SRL: variants seen among roughly 807,000 people sequenced by gnomAD.
SRL encodes sarcalumenin.
Under a neutral mutation model 39.5 loss-of-function variants are expected in SRL, and 23 were observed. The observed-to-expected ratio is 0.58, with a 90% CI of 0.42 to 0.82. The LOEUF is 0.82. Among genes scored for constraint, SRL ranks in the 40% least tolerant of loss-of-function variants. SRL has a pLI of 0.00. For synonymous variants in SRL, 272 were observed against 237.4 expected (o/e 1.15, Z -1.34); for missense variants, 592 against 607.8 (o/e 0.97, Z 0.27).
intron 1 of SRL, among the ~76,000 whole-genome samples, chr16:4,213,570 C>G (rs1330237038): frequency 6.6e-6 from 1 of 151,356 alleles, no homozygotes; most frequent in Non-Finnish European, 1.5e-5. Flanking sequence ...GCCACCACAT[C>G]CAGCTGATTT....
intron 1 of SRL, among the ~76,000 whole-genome samples, chr16:4,216,557 C>T (rs1402845461): frequency 1.3e-5 from 2 of 152,202 alleles, no homozygotes; most frequent in Non-Finnish European, 2.9e-5. Context: ...TAGGCATGAG[C>T]CACGATGCCC....
intron 2 of SRL, among the ~76,000 whole-genome samples, chr16:4,203,746 C>G (rs190384818): frequency 1.3e-5 from 2 of 152,260 alleles, no homozygotes; most frequent in South Asian, 2.1e-4. Context: ...GTGTCTGAAA[C>G]CTTGTCTCGG....
chr16:4,204,022 G>A (rs1277858068), intron 2 of SRL, among the ~76,000 whole-genome samples: 1 of 152,208 alleles, frequency 6.6e-6, no homozygotes, highest in Non-Finnish European at 1.5e-5. Flanking sequence ...GGGGTGACGA[G>A]TCAGGCTAGC....
At chr16:4,220,041 A>G (rs796809783) in intron 1 of SRL, among the ~76,000 whole-genome samples, 23 of 152,218 alleles carry the variant, frequency 1.5e-4, no homozygotes, top group African/African-American at 5.5e-4. Context: ...CGCTCCGTGA[A>G]CAGTACAAAC....
chr16:4,194,905 T>G (rs969525102), intron 5 of SRL, among the ~76,000 whole-genome samples: 5 of 152,004 alleles, frequency 3.3e-5, no homozygotes, highest in Non-Finnish European at 5.9e-5. Flanking sequence ...CTTCCTTTTT[T>G]TTTTTCTGAG....
At chr16:4,238,155 T>A (rs914076168) in intron 1 of SRL, among the ~76,000 whole-genome samples, 2 of 152,136 alleles carry the variant, frequency 1.3e-5, no homozygotes, top group African/African-American at 2.4e-5. Flanking sequence ...GGTAAGGACT[T>A]ATGCTGCGAT....
intron 5 of SRL, 116 bp downstream of exon 5, chr16:4,195,437 A>T (rs1404885948): frequency 2.0e-6 from 2 of 1,023,528 alleles, no homozygotes; most frequent in Admixed American, 2.1e-5. Context: ...GCCTCAAGGG[A>T]TCCTCCTGTC....
At chr16:4,237,287 T>C (rs947541050) in intron 1 of SRL, among the ~76,000 whole-genome samples, 9 of 152,164 alleles carry the variant, frequency 5.9e-5, no homozygotes, top group African/African-American at 2.2e-4. Context: ...GTTCCCAGTC[T>C]ATTTTTCTGG....
rs377310222 is a variant in SRL, at chr16:4,207,816, G to T, written c.62-3182C>A. On this transcript the variant is annotated intron_variant, in intron 1 of 5. Coordinates refer to ENST00000399609, the MANE Select transcript of SRL (RefSeq NM_001098814.2). ...GCCATTCTTTTCCTCCCCAGGCCCC[G>T]CAGCGTCCCTGTCGTCCCTTTCCCC... 530 of 456,468 alleles carry T rather than the reference G, an allele frequency of 1.2e-3. 5 individuals carry two copies. The highest frequency in any genetic ancestry group is 8.0e-3 in the South Asian group (516 of 64,526). 28.3% of individuals were successfully genotyped at this position (456,468 alleles called of 1,614,324 possible).
rs144097395 is a variant in SRL at position 4,229,914 on chromosome 16, G to A, written c.61+12093C>T. 1.9e-3 allele frequency among the ~76,000 whole-genome samples: 294 copies of A among 152,166 alleles called. 4 individuals carry two copies. The highest frequency in any genetic ancestry group is 6.7e-3 in the African/African-American group (279 of 41,510). On this transcript the variant is annotated intron_variant, in intron 1 of 5. Transcript: ENST00000399609. ...TGAGGGGACTGCGTGCTGGGGCCTC[G>A]TGCAGAAGAAGAGCTGGGCCTCAGG...
At chr16:4,193,875 T>C (rs980944710) in intron 5 of SRL, among the ~76,000 whole-genome samples, 1 of 150,648 alleles carries the variant, frequency 6.6e-6, no homozygotes, top group East Asian at 1.9e-4. Context: ...ATTATAATTA[T>C]TAACATTATT....
intron 1 of SRL, among the ~76,000 whole-genome samples, chr16:4,204,975 C>A (rs1290330063): frequency 6.6e-6 from 1 of 152,168 alleles, no homozygotes; most frequent in African/African-American, 2.4e-5. Context: ...AAAACAGGCA[C>A]AACTCCTTAG....
At position 4,190,596 on chromosome 16, in the gene SRL, G is replaced by C. The variant is rs2052048925; in HGVS notation, c.*1557C>G. The C allele has an allele frequency of 5.0e-6, 2 of 397,744 alleles. No individual in the cohort carries two copies. Among genetic ancestry groups the C allele is most frequent in the Non-Finnish European group, 8.8e-6 (2 of 226,064 alleles). The allele number at this position is 397,744 out of a possible 1,614,324, so 24.6% of individuals were successfully genotyped here. A position where few individuals can be genotyped will look rare whatever the true frequency, so the allele number is the denominator to read the frequency against. ...TGCTAGCCTTGCAAGACTGTTACAA[G>C]TTCTCTACTCCCTAGAGTCTATGTG... On this transcript the variant is annotated 3_prime_UTR_variant, in exon 6 of 6. Coordinates refer to ENST00000399609, the MANE Select transcript of SRL (RefSeq NM_001098814.2).
chr16:4,214,204 G>T (rs1371009484), intron 1 of SRL, among the ~76,000 whole-genome samples: 1 of 152,204 alleles, frequency 6.6e-6, no homozygotes. Context: ...GGTGTTGAAT[G>T]TATTCAGTGC....
intron 1 of SRL, among the ~76,000 whole-genome samples, chr16:4,229,064 C>T (rs148379024): frequency 6.6e-6 from 1 of 152,282 alleles, no homozygotes; most frequent in East Asian, 1.9e-4. Flanking sequence ...ACAGCAAAGA[C>T]ACAGAATCAA....
chr16:4,205,546 G>A, intron 1 of SRL, among the ~76,000 whole-genome samples: 1 of 144,580 alleles, frequency 6.9e-6, no homozygotes, highest in East Asian at 1.9e-4. Flanking sequence ...CACGGTCAGA[G>A]AAGGCCTCCC....
Position 4,191,962 on chromosome 16 carries a change from G to A in SRL, c.*191C>T. The A allele has an allele frequency of 5.2e-6, 3 of 572,440 alleles. No individual in the cohort carries two copies. The highest frequency in any genetic ancestry group is 8.9e-6 in the Non-Finnish European group (3 of 337,188). 35.5% of individuals were successfully genotyped at this position (572,440 alleles called of 1,614,324 possible). A position where few individuals can be genotyped will look rare whatever the true frequency, so the allele number is the denominator to read the frequency against. ...ATTGAAGCAACAAGACAAGCACACA[G>A]GAATTCACAGTTTCCACTCTCCTCC... On this transcript the variant is annotated 3_prime_UTR_variant, in exon 6 of 6. Transcript: ENST00000399609.
chr16:4,230,617 G>A (rs967519432), intron 1 of SRL, among the ~76,000 whole-genome samples: 42 of 151,528 alleles, frequency 2.8e-4, no homozygotes, highest in Middle Eastern at 3.4e-3. Context: ...TTGAACTCCC[G>A]ACCTCGTGAT....
chr16:4,195,878 G>T (rs1278777942), intron 4 of SRL, 92 bp from the exon 5 acceptor site: 1 of 1,076,082 alleles, frequency 9.3e-7, no homozygotes, highest in Non-Finnish European at 1.3e-6. Context: ...GTCACAGGGA[G>T]ACTTTTGCAA....
Sources: allele counts gnomAD v4.1 joint callset (sites outside exome capture counted in the v4.1 genomes callset), GRCh38; gene constraint gnomAD v4.1.1; transcripts MANE v1.5; gene names NCBI Gene and HGNC (gene_info 2026-07-23, HGNC 2026-07-21).